Variants in ULK4 observed in about 807,000 individuals in gnomAD.
ULK4 encodes the protein unc-51 like kinase 4.
ULK4 carries 133 observed loss-of-function variants against 160.6 expected under a neutral mutation model. That is an observed-to-expected ratio of 0.83 (90% CI 0.72 to 0.96). The LOEUF (loss-of-function observed/expected upper bound fraction) is 0.96, where lower values mean the gene tolerates loss of function less well. ULK4 is among the 40% of genes least tolerant of loss of function. ULK4 has a pLI of 0.00. For missense variants in ULK4, 1,580 were observed against 1,499.5 expected (o/e 1.05, Z -0.89); for synonymous variants, 534 against 539.8 (o/e 0.99, Z 0.15).
intron 30 of ULK4, among the ~76,000 whole-genome samples, chr3:41,653,381 C>T (rs2034817795): frequency 6.6e-6 from 1 of 152,236 alleles, no homozygotes; most frequent in Non-Finnish European, 1.5e-5. Context: ...TGCCCCCTGA[C>T]TGGCCCTGGT....
At chr3:41,458,499 G>T (rs1462551132) in intron 33 of ULK4, among the ~76,000 whole-genome samples, 1 of 152,098 alleles carries the variant, frequency 6.6e-6, no homozygotes, top group Non-Finnish European at 1.5e-5. Flanking sequence ...CACGTTGGGA[G>T]GCCGAGGCGG....
At chr3:41,366,227 T>C (rs2081250795) in intron 35 of ULK4, among the ~76,000 whole-genome samples, 1 of 152,144 alleles carries the variant, frequency 6.6e-6, no homozygotes, top group Admixed American at 6.5e-5. Flanking sequence ...ATAGGTGCAA[T>C]TCACTTCTTG....
At position 41,306,150 on chromosome 3, in the gene ULK4, C is replaced by A. The variant is rs1189477049; in HGVS notation, c.3679-56576G>T. Among the ~76,000 whole-genome samples the A allele has an allele frequency of 1.8e-3, 196 of 110,706 alleles. 1 individual carries two copies. The highest frequency in any genetic ancestry group is 2.8e-3 in the African/African-American group (65 of 22,866). 72.6% of individuals were successfully genotyped at this position (110,706 alleles called of 152,430 possible). A position where few individuals can be genotyped will look rare whatever the true frequency, so the allele number is the denominator to read the frequency against. ...AGGTGGGGGGGGGGGGTCAGCCCCCCGCCAGGCCAGCCGCCCCATCCGGGA... is the reference window on the plus strand; with the variant it reads ...AGGTGGGGGGGGGGGGTCAGCCCCCAGCCAGGCCAGCCGCCCCATCCGGGA... On this transcript the variant is annotated intron_variant, in intron 35 of 36. Transcript: ENST00000301831.
chr3:41,423,005 A>C (rs549123461), intron 34 of ULK4, among the ~76,000 whole-genome samples: 2 of 152,338 alleles, frequency 1.3e-5, no homozygotes, highest in East Asian at 3.9e-4. Context: ...AAAAAGAATG[A>C]GATTGACATA....
intron 29 of ULK4, among the ~76,000 whole-genome samples, chr3:41,665,212 T>C (rs1298641273): frequency 6.6e-6 from 1 of 152,184 alleles, no homozygotes; most frequent in Non-Finnish European, 1.5e-5. Flanking sequence ...TTGGAAATCA[T>C]TGTATAACAA....
chr3:41,422,553 C>T (rs558012719), intron 34 of ULK4, among the ~76,000 whole-genome samples: 3 of 151,528 alleles, frequency 2.0e-5, no homozygotes, highest in Non-Finnish European at 4.4e-5. Flanking sequence ...ACATTTAATG[C>T]CTTAATGTTA....
At chr3:41,588,405 A>C (rs535065780) in intron 31 of ULK4, among the ~76,000 whole-genome samples, 3 of 152,246 alleles carry the variant, frequency 2.0e-5, no homozygotes, top group Non-Finnish European at 4.4e-5. Flanking sequence ...AAATTTTCAC[A>C]GAAAAATTAT....
At chr3:41,594,043 GA>G (rs1407188178) in intron 31 of ULK4, among the ~76,000 whole-genome samples, 3 of 151,698 alleles carry the variant, frequency 2.0e-5, no homozygotes, top group Non-Finnish European at 4.4e-5. Context: ...AGACTGTGTC[GA>G]AAGAGAGAAA....
At chr3:41,604,288 G>A (rs1376299771) in intron 31 of ULK4, among the ~76,000 whole-genome samples, 1 of 152,072 alleles carries the variant, frequency 6.6e-6, no homozygotes, top group Admixed American at 6.6e-5. Context: ...GGAGGGTGTT[G>A]CAAGAGTGGG....
chr3:41,870,093 CATGG>C (rs1486360682), intron 17 of ULK4, among the ~76,000 whole-genome samples: 3 of 152,166 alleles, frequency 2.0e-5, no homozygotes, highest in Non-Finnish European at 4.4e-5. Flanking sequence ...TGTTTCCCAG[CATGG>C]AATATATAGG....
intron 18 of ULK4, among the ~76,000 whole-genome samples, chr3:41,830,834 C>CG (rs937283792): frequency 2.0e-5 from 3 of 151,332 alleles, no homozygotes; most frequent in Non-Finnish European, 4.4e-5. Context: ...TTTATTTTCT[C>CG]GGGGGGTATA....
chr3:41,279,922 A>T (rs1199814244), intron 35 of ULK4, among the ~76,000 whole-genome samples: 3 of 152,112 alleles, frequency 2.0e-5, no homozygotes, highest in Non-Finnish European at 4.4e-5. Flanking sequence ...ACACACATAG[A>T]CTCAAAATAA....
intron 30 of ULK4, among the ~76,000 whole-genome samples, chr3:41,629,859 T>C (rs1335950088): frequency 6.6e-6 from 1 of 151,556 alleles, no homozygotes; most frequent in South Asian, 2.1e-4. Context: ...TAGCCAGGCA[T>C]AGTGGTGGGT....
intron 32 of ULK4, among the ~76,000 whole-genome samples, chr3:41,484,608 A>G (rs1014675456): frequency 1.3e-5 from 2 of 151,846 alleles, no homozygotes; most frequent in Non-Finnish European, 2.9e-5. Context: ...GCCCGCCACC[A>G]CACCCGGCTA....
intron 34 of ULK4, among the ~76,000 whole-genome samples, chr3:41,398,644 A>G (rs2125815352): frequency 6.6e-6 from 1 of 150,606 alleles, no homozygotes; most frequent in African/African-American, 2.4e-5. Context: ...CTCCTTCCTC[A>G]GCCTCCCAAA....
intron 19 of ULK4, among the ~76,000 whole-genome samples, chr3:41,801,014 A>T (rs1010493824): frequency 6.6e-6 from 1 of 152,228 alleles, no homozygotes; most frequent in African/African-American, 2.4e-5. Flanking sequence ...GAAGCCAAAA[A>T]ATATGATTCA....
chr3:41,921,269 G>A (rs548356612), intron 5 of ULK4, among the ~76,000 whole-genome samples: 4 of 151,898 alleles, frequency 2.6e-5, no homozygotes, highest in African/African-American at 9.7e-5. Context: ...CCAAGATCAC[G>A]CCACTGCTCT....
intron 19 of ULK4, among the ~76,000 whole-genome samples, chr3:41,804,458 T>C (rs1173187914): frequency 6.6e-6 from 1 of 151,388 alleles, no homozygotes; most frequent in Non-Finnish European, 1.5e-5. Context: ...TGGTAGTTTC[T>C]TTTGCTGTGC....
At chr3:41,531,449 G>A (rs1226705074) in intron 32 of ULK4, among the ~76,000 whole-genome samples, 1 of 35,848 alleles carries the variant, frequency 2.8e-5, no homozygotes, top group African/African-American at 1.3e-4. Context: ...TCAAAAAGAG[G>A]GGAGGGGAGG....
Sources: allele counts gnomAD v4.1 joint callset (sites outside exome capture counted in the v4.1 genomes callset), GRCh38; gene constraint gnomAD v4.1.1; transcripts MANE v1.5; gene names NCBI Gene and HGNC (gene_info 2026-07-23, HGNC 2026-07-21).